The following PTPRT variants were observed in gnomAD, a reference collection of about 807,000 sequenced individuals.
PTPRT encodes receptor-type tyrosine-protein phosphatase T.
Under a neutral mutation model 176.8 loss-of-function variants are expected in PTPRT, and 56 were observed. The observed-to-expected ratio is 0.32, with a 90% confidence interval of 0.26 to 0.40. The LOEUF is 0.40. PTPRT is among the 10% of genes least tolerant of loss of function. PTPRT has a pLI of 1.00. For synonymous variants in PTPRT, 783 were observed against 739.0 expected (o/e 1.06, Z -0.96); for missense variants, 1,540 against 1,908.2 (o/e 0.81, Z 3.60).
chr20:42,901,866 G>C (rs2079409032), intron 1 of PTPRT, among the ~76,000 whole-genome samples: 1 of 152,176 alleles, frequency 6.6e-6, no homozygotes, highest in Non-Finnish European at 1.5e-5. Context: ...CCTCCTGTTT[G>C]TGTAAATAAA....
the PTPRT span, among the ~76,000 whole-genome samples, chr20:42,053,752 A>G: frequency 6.6e-6 from 1 of 152,182 alleles, no homozygotes; most frequent in Non-Finnish European, 1.5e-5. Context: ...TTACTTATTC[A>G]TTCACTTAAT....
chr20:42,838,129 C>T (rs1426585146), intron 2 of PTPRT, among the ~76,000 whole-genome samples: 7 of 152,066 alleles, frequency 4.6e-5, no homozygotes, highest in Non-Finnish European at 7.4e-5. Context: ...TGGGTTCAAG[C>T]GATTCTCCTG....
At chr20:42,647,026 C>T (rs912269543) in intron 7 of PTPRT, among the ~76,000 whole-genome samples, 1 of 150,642 alleles carries the variant, frequency 6.6e-6, no homozygotes, top group Non-Finnish European at 1.5e-5. Flanking sequence ...TCCTGAGTAG[C>T]TGGGACTACA....
intron 8 of PTPRT, among the ~76,000 whole-genome samples, chr20:42,449,895 T>C (rs2070796325): frequency 6.6e-6 from 1 of 152,242 alleles, no homozygotes; most frequent in African/African-American, 2.4e-5. Flanking sequence ...TGTTCAAATA[T>C]TATTTTCCAA....
chr20:42,300,993 G>T (rs2057459805), intron 12 of PTPRT, among the ~76,000 whole-genome samples: 1 of 151,898 alleles, frequency 6.6e-6, no homozygotes, highest in Non-Finnish European at 1.5e-5. Flanking sequence ...AGCATTGGGA[G>T]ATATACCTAA....
rs35599788 is a variant in PTPRT at position 42,767,977 on chromosome 20, T to TACACACAC, written c.684+3450_684+3457dup. Among the ~76,000 whole-genome samples the TACACACAC allele has an allele frequency of 1.7e-3, 215 of 125,248 alleles. 2 individuals are homozygous for TACACACAC. The highest frequency in any genetic ancestry group is 4.7e-3 in the East Asian group (20 of 4,250). The allele number at this position is 125,248 out of a possible 152,430, so 82.2% of individuals were successfully genotyped here. On this transcript the variant is annotated intron_variant, in intron 5 of 30. Coordinates refer to ENST00000373187, the MANE Select transcript of PTPRT (RefSeq NM_007050.6). The stretch of plus-strand genomic sequence containing the variant: ...TTATATATGAAAATATATAAAATTA[T>TACACACAC]ACACACACACACACACACACACACA...
intron 9 of PTPRT, among the ~76,000 whole-genome samples, chr20:42,380,654 C>A (rs1272836855): frequency 6.6e-6 from 1 of 152,198 alleles, no homozygotes; most frequent in Non-Finnish European, 1.5e-5. Context: ...CGGCTCTTAG[C>A]GTAGCTTTGC....
At chr20:42,638,748 A>G (rs2074668148) in intron 7 of PTPRT, among the ~76,000 whole-genome samples, 1 of 152,170 alleles carries the variant, frequency 6.6e-6, no homozygotes, top group Admixed American at 6.5e-5. Flanking sequence ...TTCTTTGTCT[A>G]AACATTTTTG....
intron 2 of PTPRT, among the ~76,000 whole-genome samples, chr20:42,840,205 CA>C (rs1422775536): frequency 7.7e-6 from 1 of 129,730 alleles, no homozygotes; most frequent in African/African-American, 2.8e-5. Flanking sequence ...GCGTGACCCC[CA>C]TCTCTGCCTG....
intron 13 of PTPRT, among the ~76,000 whole-genome samples, chr20:42,254,734 T>A (rs2056608247): frequency 6.6e-6 from 1 of 152,166 alleles, no homozygotes; most frequent in South Asian, 2.1e-4. Flanking sequence ...AGAGAGAGGA[T>A]GAGGTCATTA....
At chr20:42,368,692 T>C (rs6124448) in intron 9 of PTPRT, among the ~76,000 whole-genome samples, 22,394 of 152,220 alleles carry the variant, frequency 0.15, 1,858 homozygotes, top group East Asian at 0.23. Flanking sequence ...GTGGAAAGAA[T>C]CATTGCATTG....
At chr20:42,965,667 T>C (rs571475981) in intron 1 of PTPRT, among the ~76,000 whole-genome samples, 1 of 152,296 alleles carries the variant, frequency 6.6e-6, no homozygotes, top group African/African-American at 2.4e-5. Context: ...AAAATATTAC[T>C]GAACTTAACT....
chr20:42,481,662 C>G (rs6072758), intron 7 of PTPRT, among the ~76,000 whole-genome samples: 17,745 of 151,478 alleles, frequency 0.12, 1,113 homozygotes, highest in East Asian at 0.2. Context: ...AAGTATCTCA[C>G]TATTTGCCCA....
intron 1 of PTPRT, among the ~76,000 whole-genome samples, chr20:43,186,350 G>GC (rs1013366118): frequency 5.3e-5 from 8 of 151,390 alleles, no homozygotes; most frequent in Admixed American, 6.6e-5. Context: ...GCCCACCCTC[G>GC]CCCCCCCATT....
chr20:42,857,860 T>A (rs1037394364), intron 2 of PTPRT, among the ~76,000 whole-genome samples: 1 of 152,184 alleles, frequency 6.6e-6, no homozygotes, highest in East Asian at 1.9e-4. Flanking sequence ...GCAGAAGGTG[T>A]CTCCTGTTTA....
At chr20:42,815,656 T>G (rs191255480) in intron 2 of PTPRT, among the ~76,000 whole-genome samples, 1 of 152,306 alleles carries the variant, frequency 6.6e-6, no homozygotes, top group Admixed American at 6.5e-5. Flanking sequence ...ATCACTGATA[T>G]TTGTCTTCTA....
intron 6 of PTPRT, among the ~76,000 whole-genome samples, chr20:42,739,427 C>T (rs1225600200): frequency 1.3e-5 from 2 of 152,092 alleles, no homozygotes; most frequent in Non-Finnish European, 2.9e-5. Context: ...TCAGTAGCAG[C>T]AGACACTGAC....
At chr20:42,730,655 C>A (rs1178120477) in intron 6 of PTPRT, among the ~76,000 whole-genome samples, 1 of 152,104 alleles carries the variant, frequency 6.6e-6, no homozygotes, top group Non-Finnish European at 1.5e-5. Context: ...AGTTCTGCTG[C>A]TGGAAGCACC....
intron 9 of PTPRT, among the ~76,000 whole-genome samples, chr20:42,353,047 T>C (rs6072693): frequency 0.11 from 17,361 of 152,228 alleles, 1,290 homozygotes; most frequent in African/African-American, 0.21. Flanking sequence ...TGGAATTGTT[T>C]ACATTCTACT....
Sources: allele counts gnomAD v4.1 joint callset (sites outside exome capture counted in the v4.1 genomes callset), GRCh38; gene constraint gnomAD v4.1.1; transcripts MANE v1.5; gene names NCBI Gene and HGNC (gene_info 2026-07-23, HGNC 2026-07-21).